LRP1B: variants seen among roughly 807,000 people sequenced by gnomAD.
LRP1B encodes LDL receptor related protein 1B, also known as low-density lipoprotein receptor-related protein 1B.
In LRP1B, 217 loss-of-function variants were observed where a neutral mutation model predicts 556.6. The ratio of observed to expected loss-of-function variants is 0.39; its 90% CI spans 0.35 to 0.44. LRP1B has a LOEUF of 0.44. LRP1B is among the 20% of genes least tolerant of loss of function. The probability of loss-of-function intolerance (pLI) is 1.00; values close to 1 mark genes in which losing one functional copy is unlikely to be tolerated. For synonymous variants in LRP1B, 2,047 were observed against 1,865.8 expected, an observed-to-expected ratio of 1.10 and a Z score of -2.50; for missense variants, 5,053 against 5,620.8, an observed-to-expected ratio of 0.90 and a Z score of 3.23.
intron 2 of LRP1B, among the ~76,000 whole-genome samples, chr2:141,490,953 T>A (rs1203558294): frequency 7.0e-6 from 1 of 142,722 alleles, no homozygotes; most frequent in Admixed American, 7.0e-5. Context: ...TTTTTTTTTT[T>A]AATCTCTTAC....
intron 7 of LRP1B, among the ~76,000 whole-genome samples, chr2:141,106,805 T>C (rs1267303991): frequency 6.6e-6 from 1 of 152,182 alleles, no homozygotes; most frequent in African/African-American, 2.4e-5. Context: ...TTTTCAAACA[T>C]ATACTGTCGT....
chr2:142,080,352 A>AGAAAAGATGGCTGAGTC (rs1312245301), intron 1 of LRP1B, among the ~76,000 whole-genome samples: 1 of 152,162 alleles, frequency 6.6e-6, no homozygotes, highest in Non-Finnish European at 1.5e-5. Context: ...CCAATAGAAA[A>AGAAAAGATGGCTGAGTC]GAAAAGATGG....
intron 27 of LRP1B, among the ~76,000 whole-genome samples, chr2:140,854,315 C>T (rs972809053): frequency 6.6e-6 from 1 of 151,998 alleles, no homozygotes; most frequent in African/African-American, 2.4e-5. Flanking sequence ...TTTTTGAAGG[C>T]AGAGATATTA....
chr2:141,940,334 A>G (rs2105013036), intron 1 of LRP1B, among the ~76,000 whole-genome samples: 1 of 152,300 alleles, frequency 6.6e-6, no homozygotes. Context: ...ATTTTCATTA[A>G]GTCTTCTTCA....
chr2:140,589,890 A>G (rs1383813321), intron 43 of LRP1B, among the ~76,000 whole-genome samples: 1 of 152,178 alleles, frequency 6.6e-6, no homozygotes, highest in Admixed American at 6.6e-5. Flanking sequence ...GCAAAAAAGC[A>G]ACATGTGGGA....
At chr2:141,784,688 A>G (rs1349938984) in intron 2 of LRP1B, among the ~76,000 whole-genome samples, 2 of 151,916 alleles carry the variant, frequency 1.3e-5, no homozygotes, top group East Asian at 1.9e-4. Flanking sequence ...CCCTTCCTCA[A>G]CTTAAGTAAT....
intron 2 of LRP1B, among the ~76,000 whole-genome samples, chr2:141,800,175 A>G (rs1695964666): frequency 6.6e-6 from 1 of 152,178 alleles, no homozygotes; most frequent in Non-Finnish European, 1.5e-5. Flanking sequence ...TGGATAGCAT[A>G]TATACATGAG....
chr2:141,430,040 C>T (rs1052694953), intron 3 of LRP1B, among the ~76,000 whole-genome samples: 1 of 152,096 alleles, frequency 6.6e-6, no homozygotes, highest in African/African-American at 2.4e-5. Flanking sequence ...TTCTTTTCTC[C>T]ACAGATGAGG....
chr2:141,058,484 G>T (rs143285892), intron 9 of LRP1B, among the ~76,000 whole-genome samples: 10 of 151,938 alleles, frequency 6.6e-5, no homozygotes, highest in African/African-American at 2.4e-4. Flanking sequence ...GCAATGTTAA[G>T]TTAGGAGAGC....
chr2:141,453,134 G>A (rs748206487), intron 3 of LRP1B, among the ~76,000 whole-genome samples: 3 of 152,036 alleles, frequency 2.0e-5, no homozygotes, highest in Non-Finnish European at 2.9e-5. Flanking sequence ...CTACTCAGGA[G>A]GCTAAGGAAG....
intron 23 of LRP1B, among the ~76,000 whole-genome samples, chr2:140,886,604 G>T (rs965430633): frequency 2.1e-5 from 3 of 141,016 alleles, no homozygotes; most frequent in Non-Finnish European, 4.7e-5. Flanking sequence ...GCCACGCAAA[G>T]ACAAAATGGA....
At chr2:141,792,867 T>G (rs906368742) in intron 2 of LRP1B, among the ~76,000 whole-genome samples, 1 of 152,006 alleles carries the variant, frequency 6.6e-6, no homozygotes, top group East Asian at 1.9e-4. Flanking sequence ...AGATCATCAA[T>G]TATTCCAAAG....
chr2:141,862,286 T>C (rs1216793432), intron 1 of LRP1B, among the ~76,000 whole-genome samples: 2 of 152,214 alleles, frequency 1.3e-5, no homozygotes, highest in South Asian at 2.1e-4. Flanking sequence ...ATTTGGTCTT[T>C]GTATAGCTAA....
At chr2:140,427,657 C>T (rs181428320) in intron 66 of LRP1B, among the ~76,000 whole-genome samples, 2 of 152,150 alleles carry the variant, frequency 1.3e-5, no homozygotes, top group Admixed American at 6.5e-5. Context: ...TTTTACACAT[C>T]GGTCCATCCC....
At chr2:141,510,987 G>C (rs1469519909) in intron 2 of LRP1B, among the ~76,000 whole-genome samples, 1 of 151,392 alleles carries the variant, frequency 6.6e-6, no homozygotes, top group Non-Finnish European at 1.5e-5. Flanking sequence ...ATAGAGTCTA[G>C]TACTCATTAG....
At chr2:140,409,461 C>T (rs1006765188) in intron 66 of LRP1B, among the ~76,000 whole-genome samples, 1 of 151,800 alleles carries the variant, frequency 6.6e-6, no homozygotes, top group African/African-American at 2.4e-5. Context: ...CCATTTTAAC[C>T]AGAATTGTGT....
intron 1 of LRP1B, among the ~76,000 whole-genome samples, chr2:141,993,535 A>G (rs2105120046): frequency 6.6e-6 from 1 of 152,328 alleles, no homozygotes; most frequent in East Asian, 1.9e-4. Context: ...GGTTCAGATC[A>G]GTCTGAAGCT....
chr2:140,656,379 A>G (rs1207003844), intron 41 of LRP1B, among the ~76,000 whole-genome samples: 1 of 152,230 alleles, frequency 6.6e-6, no homozygotes, highest in Non-Finnish European at 1.5e-5. Flanking sequence ...TCAAAAAATC[A>G]TTGAGAAAAT....
chr2:141,725,846 G>A (rs201993223), intron 2 of LRP1B, among the ~76,000 whole-genome samples: 2 of 148,660 alleles, frequency 1.3e-5, no homozygotes, highest in African/African-American at 2.5e-5. Context: ...TGATAATTTT[G>A]AAAAAAAAAA....
Sources: allele counts gnomAD v4.1 joint callset (sites outside exome capture counted in the v4.1 genomes callset), GRCh38; gene constraint gnomAD v4.1.1; transcripts MANE v1.5; gene names NCBI Gene and HGNC (gene_info 2026-07-23, HGNC 2026-07-21).